HHLA2: variants seen among roughly 807,000 people sequenced by gnomAD.
The protein encoded by HHLA2 is HHLA2 member of B7 family, also known as HERV-H LTR-associating protein 2.
HHLA2 carries 48 observed loss-of-function variants against 45.9 expected under a neutral mutation model. The ratio of observed to expected loss-of-function variants is 1.05; its 90% confidence interval spans 0.83 to 1.33. The LOEUF is 1.33. Ranked by LOEUF, HHLA2 falls within the 40% of genes most tolerant of loss-of-function variation. The pLI, the probability that HHLA2 is intolerant of heterozygous loss-of-function variation, is 0.00. For missense variants in HHLA2, 462 were observed against 494.3 expected (o/e 0.93, Z 0.62); for synonymous variants, 161 against 173.9 (o/e 0.93, Z 0.59).
chr3:108,297,211 G>A (rs1232033991), intron 1 of HHLA2, among the ~76,000 whole-genome samples: 1 of 152,102 alleles, frequency 6.6e-6, no homozygotes, highest in African/African-American at 2.4e-5. Flanking sequence ...GGTTTCTATT[G>A]TTTGGGACTT....
chr3:108,313,509 G>A (rs934793488), intron 2 of HHLA2, among the ~76,000 whole-genome samples: 1 of 152,210 alleles, frequency 6.6e-6, no homozygotes, highest in Non-Finnish European at 1.5e-5. Context: ...TGGGTTGTGT[G>A]TGCATGTGTT....
At chr3:108,303,106 C>G (rs1205688382) in intron 1 of HHLA2, among the ~76,000 whole-genome samples, 1 of 152,190 alleles carries the variant, frequency 6.6e-6, no homozygotes, top group Non-Finnish European at 1.5e-5. Flanking sequence ...TCTGTATCAA[C>G]TTTTCCTACA....
chr3:108,338,192 A>G (rs1033718007), intron 3 of HHLA2, among the ~76,000 whole-genome samples: 2 of 151,208 alleles, frequency 1.3e-5, no homozygotes, highest in East Asian at 3.9e-4. Context: ...TGATATCTAT[A>G]TATCAAAGAT....
chr3:108,331,069 T>G (rs1050281074), intron 3 of HHLA2, among the ~76,000 whole-genome samples: 7 of 152,092 alleles, frequency 4.6e-5, no homozygotes, highest in Non-Finnish European at 8.8e-5. Flanking sequence ...ATTAGGGTGT[T>G]TCAAACCTGG....
chr3:108,372,748 G>A (rs2082202416), intron 8 of HHLA2, among the ~76,000 whole-genome samples: 1 of 152,154 alleles, frequency 6.6e-6, no homozygotes, highest in African/African-American at 2.4e-5. Flanking sequence ...TAAATTCCTT[G>A]ACACATACAC....
chr3:108,325,416 G>C (rs1387790438), intron 2 of HHLA2: 20 of 362,406 alleles, frequency 5.5e-5, no homozygotes, highest in Non-Finnish European at 1.1e-4. Context: ...CACTGTGCTT[G>C]GCTGAATTCA....
Position 108,355,351 on chromosome 3 carries a change from C to T in HHLA2, c.655C>T (p.Gln219Ter). ...TACAATTGAAAATTCACTGCTGAAGCAAACATGGACAGGGCGCTGGACGAT... is the reference window on the plus strand; with the variant it reads ...TACAATTGAAAATTCACTGCTGAAGTAAACATGGACAGGGCGCTGGACGAT... The change falls in exon 6 of 11, where the codon CAA (glutamine) becomes TAA (stop). Residue 219 changes from glutamine to a stop codon, truncating the protein, a stop_gained. Transcript: ENST00000619531. LOFTEE classifies it high-confidence loss of function. 1 of 1,613,762 alleles carries T rather than the reference C, an allele frequency of 6.2e-7. No individual in the cohort carries two copies. The highest frequency in any genetic ancestry group is 1.1e-5 in the South Asian group (1 of 91,074).
chr3:108,303,665 G>A (rs1245836096), intron 1 of HHLA2, among the ~76,000 whole-genome samples: 1 of 151,998 alleles, frequency 6.6e-6, no homozygotes, highest in Non-Finnish European at 1.5e-5. Flanking sequence ...TCCAGGTTGG[G>A]CTTTATTTTT....
intron 7 of HHLA2, among the ~76,000 whole-genome samples, chr3:108,359,817 C>T (rs1365734919): frequency 1.3e-5 from 2 of 152,156 alleles, no homozygotes; most frequent in Non-Finnish European, 2.9e-5. Context: ...GGGATATGTT[C>T]CAAGACCCCC....
intron 2 of HHLA2, chr3:108,326,910 G>A (rs992127771): frequency 6.6e-6 from 1 of 152,178 alleles, no homozygotes; most frequent in Non-Finnish European, 1.5e-5. Flanking sequence ...TATATTCATA[G>A]CTCTTCATCC....
chr3:108,306,017 C>T (rs1290050962), intron 1 of HHLA2, among the ~76,000 whole-genome samples: 1 of 152,152 alleles, frequency 6.6e-6, no homozygotes, highest in East Asian at 1.9e-4. Context: ...TATTCATTCC[C>T]TCAGTGATTG....
chr3:108,339,172 A>G (rs966398736), intron 3 of HHLA2, among the ~76,000 whole-genome samples: 2 of 152,246 alleles, frequency 1.3e-5, no homozygotes, highest in African/African-American at 2.4e-5. Context: ...AACCATACAC[A>G]GTTTTACAAT....
At chr3:108,358,195 G>GTGAGGA (rs1266859791) in intron 7 of HHLA2, 34 bp downstream of exon 6, 2 of 1,490,892 alleles carry the variant, frequency 1.3e-6, no homozygotes, top group Admixed American at 1.9e-5. Flanking sequence ...AATGGGTTTT[G>GTGAGGA]GCTGTAGCAT....
At chr3:108,308,181 C>T (rs1213132987) in intron 1 of HHLA2, among the ~76,000 whole-genome samples, 4 of 152,218 alleles carry the variant, frequency 2.6e-5, no homozygotes, top group African/African-American at 9.7e-5. Context: ...TTCCCAGCCT[C>T]TGGTAACAAA....
intron 1 of HHLA2, among the ~76,000 whole-genome samples, chr3:108,307,558 A>G (rs892852370): frequency 6.6e-6 from 1 of 151,972 alleles, no homozygotes; most frequent in Admixed American, 6.6e-5. Flanking sequence ...CACTTGAAAC[A>G]AGAAGACGGA....
At chr3:108,304,307 T>C (rs1274039173) in intron 1 of HHLA2, among the ~76,000 whole-genome samples, 1 of 152,190 alleles carries the variant, frequency 6.6e-6, no homozygotes, top group South Asian at 2.1e-4. Context: ...GAAAAACATA[T>C]CCTCTCAGTT....
chr3:108,302,065 G>A (rs533919422), intron 1 of HHLA2, among the ~76,000 whole-genome samples: 72 of 152,194 alleles, frequency 4.7e-4, no homozygotes, highest in African/African-American at 1.6e-3. Flanking sequence ...TTTCTGTGTT[G>A]CTATTTATAT....
chr3:108,359,262 CACAAAGTGAA>C (rs1254446225), intron 7 of HHLA2, among the ~76,000 whole-genome samples: 1 of 151,960 alleles, frequency 6.6e-6, no homozygotes, highest in Non-Finnish European at 1.5e-5. Flanking sequence ...TTTCAGTTCA[CACAAAGTGAA>C]ACATCAGGAC....
chr3:108,357,164 T>C (rs2081908487), intron 6 of HHLA2, among the ~76,000 whole-genome samples: 1 of 152,028 alleles, frequency 6.6e-6, no homozygotes, highest in Admixed American at 6.6e-5. Flanking sequence ...TTGGCATCAC[T>C]CTCCTGCAGG....
Sources: gnomAD v4.1 joint callset for allele counts (sites outside exome capture counted in the v4.1 genomes callset) on GRCh38, gnomAD v4.1.1 for gene constraint, MANE v1.5 for transcripts, NCBI Gene and HGNC (gene_info 2026-07-23, HGNC 2026-07-21) for gene names.